ACACB: variants seen among roughly 807,000 people sequenced by gnomAD.
ACACB encodes the protein acetyl-CoA carboxylase beta.
A neutral mutation model predicts 278.8 loss-of-function variants in ACACB; 209 were observed. That is an observed-to-expected ratio of 0.75 (90% CI 0.67 to 0.84). ACACB has a LOEUF of 0.84. Ranked by LOEUF, ACACB falls within the 40% of genes least tolerant of loss-of-function variation. ACACB has a pLI of 0.00. For synonymous variants in ACACB, 1,174 were observed against 1,285.6 expected (o/e 0.91, Z 1.86); for missense variants, 2,850 against 3,269.0 (o/e 0.87, Z 3.13).
intron 44 of ACACB, among the ~76,000 whole-genome samples, chr12:109,255,095 T>TAC (rs112899240): frequency 0.019 from 2,846 of 149,228 alleles, 66 homozygotes; most frequent in African/African-American, 0.053. Flanking sequence ...CTTCTATACC[T>TAC]ACACACACAC....
chr12:109,265,063 C>A, intron 50 of ACACB, 47 bp from the exon 51 acceptor site: 2 of 1,566,290 alleles, frequency 1.3e-6, no homozygotes, highest in Non-Finnish European at 1.7e-6. Flanking sequence ...GCCAGTGTCC[C>A]GTCTCCTCCT....
intron 47 of ACACB, chr12:109,260,162 T>C: frequency 7.1e-7 from 1 of 1,416,308 alleles, no homozygotes; most frequent in Non-Finnish European, 9.4e-7. Flanking sequence ...TAGTGAGGGT[T>C]TTCTTTGCTG....
At chr12:109,218,927 C>T (rs1348703975) in intron 24 of ACACB, among the ~76,000 whole-genome samples, 3 of 152,016 alleles carry the variant, frequency 2.0e-5, no homozygotes, top group South Asian at 2.1e-4. Context: ...CCACCACGCC[C>T]GGCTAATTTT....
intron 49 of ACACB, chr12:109,263,880 C>A: frequency 5.2e-6 from 1 of 190,538 alleles, no homozygotes; most frequent in Non-Finnish European, 1.1e-5. Context: ...TAGTATCCTA[C>A]AAGCACGATG....
chr12:109,146,528 G>A (rs1328366936), intron 2 of ACACB, among the ~76,000 whole-genome samples: 1 of 152,142 alleles, frequency 6.6e-6, no homozygotes, highest in Non-Finnish European at 1.5e-5. Context: ...TTGGGAGTTC[G>A]CACTGGGTTC....
chr12:109,126,908 A>C (rs1418187165), intron 1 of ACACB, among the ~76,000 whole-genome samples: 1 of 151,570 alleles, frequency 6.6e-6, no homozygotes, highest in Non-Finnish European at 1.5e-5. Context: ...TGCTCCCTGA[A>C]GTTGTTCCAA....
At chr12:109,251,086 TAGA>T (rs2047082244) in intron 41 of ACACB, among the ~76,000 whole-genome samples, 1 of 152,234 alleles carries the variant, frequency 6.6e-6, no homozygotes, top group East Asian at 1.9e-4. Flanking sequence ...CGAGTGTTCC[TAGA>T]AGAAGGGCAC....
At chr12:109,166,673 A>C (rs1486318630) in intron 2 of ACACB, among the ~76,000 whole-genome samples, 188 bp from the exon 3 acceptor site, 2 of 134,146 alleles carry the variant, frequency 1.5e-5, no homozygotes, top group Non-Finnish European at 3.4e-5. Flanking sequence ...AAAAAAAAAA[A>C]AAAACCGAAG....
intron 9 of ACACB, among the ~76,000 whole-genome samples, chr12:109,176,985 C>G (rs1410836930): frequency 2.6e-5 from 4 of 152,188 alleles, no homozygotes; most frequent in African/African-American, 9.6e-5. Context: ...TCTTTTAAAA[C>G]CTTATGTCCG....
At chr12:109,164,717 A>T (rs1167610288) in intron 2 of ACACB, among the ~76,000 whole-genome samples, 29 of 134,110 alleles carry the variant, frequency 2.2e-4, no homozygotes, top group African/African-American at 7.0e-4. Flanking sequence ...GCTAATTTAA[A>T]TTTTTTTTTT....
rs764874645 is a variant in ACACB, at chr12:109,260,565, G to A, written c.6582G>A (p.Pro2194=). 10 of 1,613,914 alleles carry A rather than the reference G, an allele frequency of 6.2e-6. No individual in the cohort carries two copies. The highest frequency in any genetic ancestry group is 3.3e-5 in the Admixed American group (2 of 59,966). Residue 2194 remains proline (P), a synonymous_variant, in exon 48 of 53, where the codon CCG becomes CCA. Coordinates refer to ENST00000338432, the MANE Select transcript of ACACB (RefSeq NM_001093.4). ...AACAGCCCATCCTGATCTATATCCC[G>A]CCCTATGCGGAGCTCCGGGGAGGCT... ...QYKQPILIYI[P]PYAELRGGSW...
chr12:109,132,719 A>C (rs1005668603), intron 1 of ACACB, among the ~76,000 whole-genome samples: 1 of 152,116 alleles, frequency 6.6e-6, no homozygotes, highest in African/African-American at 2.4e-5. Flanking sequence ...ACTTGGGAAA[A>C]GTTCTTGTGT....
intron 2 of ACACB, among the ~76,000 whole-genome samples, chr12:109,142,069 G>A (rs1642039): frequency 0.33 from 49,718 of 151,758 alleles, 8,820 homozygotes; most frequent in East Asian, 0.62. Flanking sequence ...GCAATATAGT[G>A]AGACCTCATC....
chr12:109,162,258 C>T (rs999780680), intron 2 of ACACB, among the ~76,000 whole-genome samples: 1 of 152,246 alleles, frequency 6.6e-6, no homozygotes, highest in Admixed American at 6.5e-5. Context: ...GGATTACAGG[C>T]GTGAGCCACC....
At chr12:109,222,391 T>A in intron 24 of ACACB, 116 bp from the exon 25 acceptor site, 1 of 863,796 alleles carries the variant, frequency 1.2e-6, no homozygotes, top group Non-Finnish European at 1.9e-6. Flanking sequence ...TGGGCCTGTT[T>A]GGAGAGTGGA....
chr12:109,127,414 C>G (rs2042706360), intron 1 of ACACB, among the ~76,000 whole-genome samples: 2 of 143,962 alleles, frequency 1.4e-5, no homozygotes, highest in South Asian at 4.5e-4. Flanking sequence ...GAGATCCTGT[C>G]TCTACAGAAA....
At chr12:109,265,696 G>A (rs930137125) in intron 52 of ACACB, among the ~76,000 whole-genome samples, 171 bp downstream of exon 52, 5 of 152,118 alleles carry the variant, frequency 3.3e-5, no homozygotes, top group African/African-American at 1.2e-4. Context: ...CCCTAATGTC[G>A]GGTCTCCCAG....
rs368712598 is a variant in ACACB at position 109,201,479 on chromosome 12, G to A, written c.2779-88G>A. The A allele has an allele frequency of 5.8e-5, 89 of 1,521,846 alleles. No individual in the cohort carries two copies. The African/African-American group carries it at 6.3e-4, about 11-fold the overall frequency. 94.3% of individuals were successfully genotyped at this position (1,521,846 alleles called of 1,614,324 possible). On this transcript the variant is annotated intron_variant, in intron 18 of 52. Coordinates refer to ENST00000338432, the MANE Select transcript of ACACB (RefSeq NM_001093.4). ...GCGCGTCCCTGGGTAGTGTCCCGGC[G>A]CGTCCCTGCTCCGGCATCACTAGTT...
rs1479845672 is a variant in ACACB, at chr12:109,245,652, A to G, written c.5205A>G (p.Pro1735=). The part of the protein sequence containing the change: ...RQALFKLWGS[P]DKYPKDILTY... ...CTCTCTTTAAACTGTGGGGCTCCCC[A>G]GACAAGTATCCCAAAGACATCCTGA... Residue 1735 remains proline (P), a synonymous_variant, in exon 38 of 53, where the codon CCA becomes CCG. Coordinates refer to ENST00000338432, the MANE Select transcript of ACACB (RefSeq NM_001093.4). 2 of 1,614,124 alleles carry G rather than the reference A, an allele frequency of 1.2e-6. No homozygotes were observed. Among genetic ancestry groups the G allele is most frequent in the East Asian group, 2.2e-5 (1 of 44,888 alleles).
Sources: gnomAD v4.1 joint callset for allele counts (sites outside exome capture counted in the v4.1 genomes callset) on GRCh38, gnomAD v4.1.1 for gene constraint, MANE v1.5 for transcripts, NCBI Gene and HGNC (gene_info 2026-07-23, HGNC 2026-07-21) for gene names.